The following PCLO variants were observed in gnomAD, a reference collection of about 807,000 sequenced individuals.
PCLO encodes protein piccolo.
Under a neutral mutation model 427.5 loss-of-function variants are expected in PCLO, and 82 were observed. The observed-to-expected ratio is 0.19, with a 90% CI of 0.16 to 0.23. The LOEUF is 0.23. Among genes scored for constraint, PCLO ranks in the 10% least tolerant of loss-of-function variants. The pLI, the probability that PCLO is intolerant of heterozygous loss-of-function variation, is 1.00. For missense variants in PCLO, 6,239 were observed against 6,115.9 expected (o/e 1.02, Z -0.67); for synonymous variants, 2,357 against 2,155.4 (o/e 1.09, Z -2.59).
intron 3 of PCLO, among the ~76,000 whole-genome samples, chr7:83,046,706 T>C (rs1391468041): frequency 6.6e-6 from 1 of 152,020 alleles, no homozygotes; most frequent in Non-Finnish European, 1.5e-5. Flanking sequence ...TCTGAAGGAA[T>C]AAGACTTTGT....
At chr7:83,019,669 A>G (rs1312305410) in intron 3 of PCLO, among the ~76,000 whole-genome samples, 1 of 152,088 alleles carries the variant, frequency 6.6e-6, no homozygotes, top group East Asian at 1.9e-4. Flanking sequence ...TAGGAGAACC[A>G]ATGTCTCATT....
intron 6 of PCLO, among the ~76,000 whole-genome samples, chr7:82,918,368 A>T (rs1794516862): frequency 6.6e-6 from 1 of 152,010 alleles, no homozygotes. Context: ...GCACCCATTA[A>T]ATATCAATTC....
At chr7:83,099,171 C>T (rs930914272) in intron 3 of PCLO, among the ~76,000 whole-genome samples, 2 of 148,938 alleles carry the variant, frequency 1.3e-5, no homozygotes, top group South Asian at 2.2e-4. Context: ...AGTCATTGAA[C>T]GTGTATAGGC....
Position 82,937,337 on chromosome 7 carries a change from T to G in PCLO, c.11112+12139A>C, listed in dbSNP as rs555290763. Reference sequence around the variant, plus strand: ...ATGCCTGTTAACATCCACACTACAGTTTTTTTTTTTTTGCATTTGGAAAAC... The same window carrying G: ...ATGCCTGTTAACATCCACACTACAGGTTTTTTTTTTTTGCATTTGGAAAAC... On this transcript the variant is annotated intron_variant, in intron 6 of 24. Transcript: ENST00000333891. 5.2e-3 allele frequency among the ~76,000 whole-genome samples: 673 copies of G among 129,294 alleles called. 2 individuals carry two copies. The highest frequency in any genetic ancestry group is 7.4e-3 in the Non-Finnish European group (472 of 64,016). The allele number at this position is 129,294 out of a possible 152,430, so 84.8% of individuals were successfully genotyped here. A position where few individuals can be genotyped will look rare whatever the true frequency, so the allele number is the denominator to read the frequency against.
chr7:83,109,498 G>A lies in PCLO; in HGVS notation c.3300+24752C>T, dbSNP rs576550100. ...GAATCTCTCTGACCTTGATATTAAC[G>A]TAGTTGATCTTTCCAGCTGTCTGGC... is the stretch of plus-strand genomic sequence containing the variant. On this transcript the variant is annotated intron_variant, in intron 3 of 24. Transcript: ENST00000333891. 9.9e-5 allele frequency among the ~76,000 whole-genome samples: 15 copies of A among 152,154 alleles called. No homozygotes were observed. The South Asian group carries it at 2.3e-3, about 23-fold the overall frequency.
At chr7:82,962,648 A>G (rs776462831) in intron 4 of PCLO, among the ~76,000 whole-genome samples, 3 of 151,962 alleles carry the variant, frequency 2.0e-5, no homozygotes, top group Non-Finnish European at 4.4e-5. Flanking sequence ...CATAGCCTCA[A>G]TGTAGAGTGA....
intron 9 of PCLO, among the ~76,000 whole-genome samples, chr7:82,883,532 A>T (rs1045367447): frequency 1.1e-4 from 16 of 149,594 alleles, no homozygotes; most frequent in South Asian, 4.2e-4. Flanking sequence ...GTCAGTATTT[A>T]AAAAAAAATT....
chr7:83,148,694 C>T (rs933021149), intron 2 of PCLO, among the ~76,000 whole-genome samples: 1 of 152,048 alleles, frequency 6.6e-6, no homozygotes, highest in African/African-American at 2.4e-5. Flanking sequence ...AATTTTCTTA[C>T]ATTCTTTGAA....
chr7:83,047,972 T>C (rs1789142696), intron 3 of PCLO, among the ~76,000 whole-genome samples: 3 of 151,988 alleles, frequency 2.0e-5, no homozygotes, highest in Non-Finnish European at 1.5e-5. Flanking sequence ...ACAGGTATTT[T>C]ATGTGAGGAC....
Position 82,758,732 on chromosome 7 carries a change from A to G in PCLO, c.15289-17T>C. The stretch of plus-strand genomic sequence containing the variant: ...AAGTAAAATCTAGAAAAAATAGGCA[A>G]AAATAAACATATTTAATTTATACAC... On this transcript the variant is annotated splice_polypyrimidine_tract_variant and intron_variant, in intron 24 of 24. Transcript: ENST00000333891. The G allele has an allele frequency of 6.8e-7, 1 of 1,478,102 alleles. No individual in the cohort carries two copies. The highest frequency in any genetic ancestry group is 1.4e-5 in the African/African-American group (1 of 71,470). 91.6% of individuals were successfully genotyped at this position (1,478,102 alleles called of 1,614,324 possible). A position where few individuals can be genotyped will look rare whatever the true frequency, so the allele number is the denominator to read the frequency against.
At chr7:82,936,491 T>G (rs1335679800) in intron 6 of PCLO, among the ~76,000 whole-genome samples, 2 of 150,096 alleles carry the variant, frequency 1.3e-5, no homozygotes, top group African/African-American at 4.9e-5. Flanking sequence ...TTCACTAGGA[T>G]AGTTATAATA....
chr7:83,017,609 C>T (rs1017870956), intron 3 of PCLO, among the ~76,000 whole-genome samples: 3 of 151,910 alleles, frequency 2.0e-5, no homozygotes, highest in African/African-American at 4.8e-5. Flanking sequence ...ATTTTAGCAT[C>T]CTTTTCCTAA....
At chr7:83,138,813 A>G (rs757151745) in intron 2 of PCLO, among the ~76,000 whole-genome samples, 1 of 148,772 alleles carries the variant, frequency 6.7e-6, no homozygotes, top group African/African-American at 2.5e-5. Flanking sequence ...AACATCACAC[A>G]CTGGGGCCTC....
chr7:83,044,616 A>T (rs1172977049), intron 3 of PCLO, among the ~76,000 whole-genome samples: 1 of 152,120 alleles, frequency 6.6e-6, no homozygotes, highest in Non-Finnish European at 1.5e-5. Context: ...ATACCTAATA[A>T]AATTTGTTGA....
chr7:82,970,844 A>T (rs2115697994), intron 3 of PCLO, among the ~76,000 whole-genome samples: 1 of 152,016 alleles, frequency 6.6e-6, no homozygotes, highest in Admixed American at 6.6e-5. Flanking sequence ...AGTAAAAAGA[A>T]ATAACAGTAA....
chr7:82,796,219 AT>A, intron 22 of PCLO, among the ~76,000 whole-genome samples: 1 of 152,274 alleles, frequency 6.6e-6, no homozygotes, highest in East Asian at 1.9e-4. Context: ...ATAATAGGGT[AT>A]TTTGCAGTAA....
intron 22 of PCLO, among the ~76,000 whole-genome samples, chr7:82,788,229 AATATATAATTT>A (rs1206802221): frequency 3.4e-5 from 5 of 147,626 alleles, no homozygotes; most frequent in African/African-American, 9.8e-5. Flanking sequence ...AATTATATAT[AATATATAATTT>A]ATATATAATT....
intron 3 of PCLO, among the ~76,000 whole-genome samples, chr7:83,020,930 A>G (rs1048992066): frequency 1.6e-4 from 24 of 152,162 alleles, no homozygotes; most frequent in African/African-American, 5.8e-4. Context: ...CAGATCCTAC[A>G]TGATAGTTTC....
At chr7:82,866,102 A>G (rs78762292) in intron 10 of PCLO, among the ~76,000 whole-genome samples, 8,784 of 152,216 alleles carry the variant, frequency 0.058, 337 homozygotes, top group East Asian at 0.16. Flanking sequence ...CACAACAAGC[A>G]TGCTCTTGCT....
Sources: allele counts gnomAD v4.1 joint callset (sites outside exome capture counted in the v4.1 genomes callset), GRCh38; gene constraint gnomAD v4.1.1; transcripts MANE v1.5; gene names NCBI Gene and HGNC (gene_info 2026-07-23, HGNC 2026-07-21).